ATP2A3: variants seen among roughly 807,000 people sequenced by gnomAD.
ATP2A3 encodes the protein sarcoplasmic/endoplasmic reticulum calcium ATPase 3.
Under a neutral mutation model 106.8 loss-of-function variants are expected in ATP2A3, and 61 were observed. The observed-to-expected ratio is 0.57, with a 90% confidence interval of 0.46 to 0.71. The LOEUF is 0.71. Among genes scored for constraint, ATP2A3 ranks in the 30% least tolerant of loss-of-function variants. The pLI is 0.00. For synonymous variants in ATP2A3, 611 were observed against 609.3 expected, an observed-to-expected ratio of 1.00 and a Z score of -0.04; for missense variants, 1,201 against 1,423.5, an observed-to-expected ratio of 0.84 and a Z score of 2.52.
rs754418165 is a variant in ATP2A3 at position 3,928,002 on chromosome 17, G to A, written c.2980+661C>T. 1 of 1,613,990 alleles carries A rather than the reference G, an allele frequency of 6.2e-7. No homozygotes were observed. Among genetic ancestry groups the A allele is most frequent in the East Asian group, 2.2e-5 (1 of 44,884 alleles). On this transcript the variant is annotated intron_variant, in intron 20 of 20. Transcript: ENST00000397041. The surrounding 1 kb of genome is among the most constrained non-coding windows in gnomAD (Gnocchi z 6.1). ...TCACCCCTGCTTCCTCCCTCTCTGA[G>A]CAGCTCTGACAGCGAGACGATGCTG...
chr17:3,942,646 C>T lies in ATP2A3; in HGVS notation c.1505G>A (p.Arg502His). 13 of 1,612,926 alleles carry T rather than the reference C, an allele frequency of 8.1e-6. No individual in the cohort carries two copies. Among genetic ancestry groups the T allele is most frequent in the East Asian group, 4.5e-5 (2 of 44,844 alleles). ...KSMSVYCTPT[R>H]PHPTGQGSKM... Reference sequence around the variant, plus strand: ...GCTGCCCTGGCCAGTAGGGTGAGGGCGGGTGGGCGTGCAGTACACGGACAT... The same window carrying T: ...GCTGCCCTGGCCAGTAGGGTGAGGGTGGGTGGGCGTGCAGTACACGGACAT... The change falls in exon 12 of 21, where the codon CGC (arginine) becomes CAC (histidine). Residue 502 changes from arginine to histidine, a missense_variant. By Grantham distance (29) the Arg-to-His change is conservative. Around this residue, in one of 2 missense-constraint regions of ATP2A3, gnomAD observed 935 missense variants for 1,176.7 expected, o/e 0.79. Coordinates refer to ENST00000397041, the MANE Select transcript of ATP2A3 (RefSeq NM_005173.4).
intron 7 of ATP2A3, 110 bp downstream of exon 7, chr17:3,950,401 T>G: frequency 8.7e-7 from 1 of 1,150,888 alleles, no homozygotes; most frequent in African/African-American, 1.5e-5. Flanking sequence ...TGACCTCAGG[T>G]GATCCACCCA....
intron 20 of ATP2A3, chr17:3,927,339 A>G: frequency 1.0e-6 from 1 of 985,464 alleles, no homozygotes; most frequent in Non-Finnish European, 1.2e-6. Context: ...TCTCAAGAAA[A>G]TCTGCTGAGC....
intron 17 of ATP2A3, among the ~76,000 whole-genome samples, chr17:3,932,246 C>T (rs1251921392): frequency 2.0e-5 from 3 of 151,518 alleles, no homozygotes; most frequent in Admixed American, 1.3e-4. Context: ...CAAGTTCGAG[C>T]GATTCTTCTG....
rs576964391 is a variant in ATP2A3 at position 3,937,974 on chromosome 17, G to A, written c.2101-338C>T. Among the ~76,000 whole-genome samples the A allele has an allele frequency of 3.9e-5, 6 of 152,262 alleles. No homozygotes were observed. In the South Asian group the frequency reaches 1.2e-3, roughly 32 times the overall value. On this transcript the variant is annotated intron_variant, in intron 14 of 20. Coordinates refer to ENST00000397041, the MANE Select transcript of ATP2A3 (RefSeq NM_005173.4). ...TAGAAGATGAAACTGAGGTTAGGGA[G>A]AAAGCTGAGGTCAAGTCAGGAATGA...
At position 3,936,882 on chromosome 17, in the gene ATP2A3, T is replaced by C; in HGVS notation, c.2322-413A>G. 3.0e-6 allele frequency: 1 copy of C among 329,226 alleles called. No homozygotes were observed. The highest frequency in any genetic ancestry group is 5.9e-6 in the Non-Finnish European group (1 of 168,982). The allele number at this position is 329,226 out of a possible 1,614,324, so 20.4% of individuals were successfully genotyped here. A position where few individuals can be genotyped will look rare whatever the true frequency, so the allele number is the denominator to read the frequency against. On this transcript the variant is annotated intron_variant, in intron 15 of 20. Coordinates refer to ENST00000397041, the MANE Select transcript of ATP2A3 (RefSeq NM_005173.4). The surrounding 1 kb of genome is among the most constrained non-coding windows in gnomAD (Gnocchi z 5.4). ...GGTGCAGAGATGCAGAATCCATCCA[T>C]GTCCAGCAACACACACGCTCACCAT...
chr17:3,945,263 G>T, intron 8 of ATP2A3, 115 bp from the exon 9 acceptor site: 1 of 973,718 alleles, frequency 1.0e-6, no homozygotes, highest in Non-Finnish European at 1.5e-6. Context: ...GGGCCAAACC[G>T]GCCTGGCCGT....
intron 9 of ATP2A3, 81 bp from the exon 10 acceptor site, chr17:3,944,887 G>A (rs1449392560): frequency 1.0e-5 from 9 of 874,952 alleles, no homozygotes; most frequent in African/African-American, 6.2e-5. Flanking sequence ...CCCCTAGGAG[G>A]GGGCTCCGCC....
intron 1 of ATP2A3, 91 bp downstream of exon 1, chr17:3,964,083 G>T: frequency 1.4e-6 from 1 of 698,878 alleles, no homozygotes; most frequent in Non-Finnish European, 1.8e-6. Flanking sequence ...CTTCCTGCCC[G>T]CCCAGAGCCG....
rs1339783522 is a variant in ATP2A3, at chr17:3,928,093, T to G, written c.2980+570A>C. 3.1e-6 allele frequency: 5 copies of G among 1,608,298 alleles called. No individual in the cohort carries two copies. Among genetic ancestry groups the G allele is most frequent in the East Asian group, 2.2e-5 (1 of 44,848 alleles). ...AGCCCACCTGGCAGAGGCAGGTGGATGGACCCCATGTCCCAGCCCACTTCT... is the reference window on the plus strand; with the variant it reads ...AGCCCACCTGGCAGAGGCAGGTGGAGGGACCCCATGTCCCAGCCCACTTCT... On this transcript the variant is annotated intron_variant, in intron 20 of 20. Coordinates refer to ENST00000397041, the MANE Select transcript of ATP2A3 (RefSeq NM_005173.4). The surrounding 1 kb of genome is among the most constrained non-coding windows in gnomAD (Gnocchi z 6.1).
In ATP2A3 at chr17:3,964,361, G is replaced by C; in HGVS notation, c.-70C>G. On this transcript the variant is annotated 5_prime_UTR_variant, in exon 1 of 21. Coordinates refer to ENST00000397041, the MANE Select transcript of ATP2A3 (RefSeq NM_005173.4). ...CTCTCCGCCGGGGGGCTACAAAGCGGGGCGCGGGGGACTCGGGCCCGGGCG... is the reference window on the plus strand; with the variant it reads ...CTCTCCGCCGGGGGGCTACAAAGCGCGGCGCGGGGGACTCGGGCCCGGGCG... The C allele has an allele frequency of 8.8e-6, 8 of 907,492 alleles. No homozygotes were observed. The highest frequency in any genetic ancestry group is 1.1e-5 in the Non-Finnish European group (8 of 732,528). The allele number at this position is 907,492 out of a possible 1,614,324, so 56.2% of individuals were successfully genotyped here.
rs529686618 is a variant in ATP2A3, at chr17:3,941,930, G to A, written c.1546-276C>T. Among the ~76,000 whole-genome samples the A allele has an allele frequency of 5.9e-5, 9 of 152,308 alleles. 1 individual carries two copies. Among genetic ancestry groups the A allele is most frequent in the Admixed American group, 3.3e-4 (5 of 15,306 alleles). On this transcript the variant is annotated intron_variant, in intron 12 of 20. Transcript: ENST00000397041. Reference sequence around the variant, plus strand: ...TCCCCCACCAGCCCACAGCAGACTCGGGCACTGCAGCGTTTTGCAGGCAGG... The same window carrying A: ...TCCCCCACCAGCCCACAGCAGACTCAGGCACTGCAGCGTTTTGCAGGCAGG...
At chr17:3,927,458 G>A (rs963183623) in intron 20 of ATP2A3, 5 of 984,336 alleles carry the variant, frequency 5.1e-6, no homozygotes, top group Non-Finnish European at 4.8e-6. Flanking sequence ...GGTCAAGGAC[G>A]GCCCAGAGGC....
At chr17:3,937,710 C>T in intron 14 of ATP2A3, 74 bp from the exon 15 acceptor site, 1 of 1,439,932 alleles carries the variant, frequency 6.9e-7, no homozygotes, top group Non-Finnish European at 9.6e-7. Flanking sequence ...CAACTCAGCC[C>T]ACCCCCAATC....
Position 3,930,784 on chromosome 17 carries a change from A to G in ATP2A3, c.2611-350T>C. 2.6e-6 allele frequency: 1 copy of G among 390,856 alleles called. No homozygotes were observed. Among genetic ancestry groups the G allele is most frequent in the Non-Finnish European group, 4.9e-6 (1 of 202,982 alleles). 24.2% of individuals were successfully genotyped at this position (390,856 alleles called of 1,614,324 possible). A position where few individuals can be genotyped will look rare whatever the true frequency, so the allele number is the denominator to read the frequency against. ...CATGTGAAAATCAACCAACAAAACC[A>G]TGCGGGAGTGGAATTCACCTTTGCG... On this transcript the variant is annotated intron_variant, in intron 17 of 20. Coordinates refer to ENST00000397041, the MANE Select transcript of ATP2A3 (RefSeq NM_005173.4). The surrounding 1 kb of genome is among the most constrained non-coding windows in gnomAD (Gnocchi z 5.4).
At chr17:3,957,122 T>C (rs975479570) in intron 1 of ATP2A3, among the ~76,000 whole-genome samples, 6 of 152,230 alleles carry the variant, frequency 3.9e-5, no homozygotes, top group African/African-American at 1.2e-4. Context: ...GCGGAGGTCA[T>C]AGCAGCAGCA....
chr17:3,940,050 GTT>G (rs58490329), intron 14 of ATP2A3, among the ~76,000 whole-genome samples: 2 of 96,798 alleles, frequency 2.1e-5, no homozygotes. Context: ...TTTGTTTTTT[GTT>G]TTTTTTTTTT....
chr17:3,938,022 A>G (rs1279274101), intron 14 of ATP2A3, among the ~76,000 whole-genome samples: 2 of 152,200 alleles, frequency 1.3e-5, no homozygotes, highest in African/African-American at 4.8e-5. Flanking sequence ...GGCCCGGGTA[A>G]AGAGCCAGGT....
intron 14 of ATP2A3, 129 bp downstream of exon 14, chr17:3,940,842 G>C: frequency 8.3e-7 from 1 of 1,208,384 alleles, no homozygotes; most frequent in South Asian, 1.2e-5. Flanking sequence ...TTTTGTATTT[G>C]AATTTTTTGG....
Sources: gnomAD v4.1 joint callset for allele counts (sites outside exome capture counted in the v4.1 genomes callset) on GRCh38, gnomAD v4.1.1 for gene constraint, gnomAD v4.1.1 regional missense constraint, Gnocchi (gnomAD v3.1) non-coding constraint, MANE v1.5 for transcripts, NCBI Gene and HGNC (gene_info 2026-07-23, HGNC 2026-07-21) for gene names.